Variants in UBE2D2 observed in about 807,000 individuals in gnomAD.
UBE2D2 encodes ubiquitin-conjugating enzyme E2 D2.
In UBE2D2, 2 loss-of-function variants were observed where a neutral mutation model predicts 24.2. The observed-to-expected ratio is 0.08, with a 90% CI of 0.03 to 0.26. The LOEUF is 0.26. UBE2D2 is among the 10% of genes least tolerant of loss of function. The pLI is 1.00. For missense variants in UBE2D2, 44 were observed against 177.6 expected, an observed-to-expected ratio of 0.25 and a Z score of 4.28; for synonymous variants, 58 against 56.5, an observed-to-expected ratio of 1.03 and a Z score of -0.12.
chr5:139,616,422 A>G (rs1010305560), intron 5 of UBE2D2, among the ~76,000 whole-genome samples: 2 of 152,218 alleles, frequency 1.3e-5, no homozygotes, highest in Non-Finnish European at 2.9e-5. Flanking sequence ...AAATGAAATC[A>G]GTTGTTTAAG....
intron 1 of UBE2D2, among the ~76,000 whole-genome samples, chr5:139,552,934 G>C (rs1214490394): frequency 6.6e-6 from 1 of 151,988 alleles, no homozygotes; most frequent in East Asian, 1.9e-4. Flanking sequence ...CACCTGCCTT[G>C]GCCTCCCAAA....
upstream of UBE2D2, among the ~76,000 whole-genome samples, chr5:139,560,353 A>G (rs1391673650): frequency 1.3e-5 from 2 of 151,806 alleles, no homozygotes; most frequent in Admixed American, 6.6e-5. Flanking sequence ...GCCTGCCACC[A>G]TGCCCGGGTA....
intron 5 of UBE2D2, among the ~76,000 whole-genome samples, chr5:139,620,184 A>T (rs565246454): frequency 3.3e-5 from 5 of 152,218 alleles, no homozygotes; most frequent in African/African-American, 1.2e-4. Flanking sequence ...ACAGTTGAAC[A>T]TGAGATTTGT....
At chr5:139,557,644 A>G (rs988697513), upstream of UBE2D2, among the ~76,000 whole-genome samples, 1 of 151,868 alleles carries the variant, frequency 6.6e-6, no homozygotes, top group South Asian at 2.1e-4. Flanking sequence ...GCTACTTGGG[A>G]GGCTAAGGCA....
chr5:139,618,225 C>T (rs542264883), intron 5 of UBE2D2, among the ~76,000 whole-genome samples: 2 of 152,228 alleles, frequency 1.3e-5, no homozygotes, highest in South Asian at 4.1e-4. Flanking sequence ...CCGCCCGCCT[C>T]AGCCTCCCAA....
intron 1 of UBE2D2, among the ~76,000 whole-genome samples, chr5:139,532,688 T>C (rs570993504): frequency 2.0e-5 from 3 of 151,120 alleles, no homozygotes; most frequent in East Asian, 4.0e-4. Context: ...GGTTTCACCA[T>C]GTTGGCCACA....
chr5:139,600,347 TTTC>T (rs1561516289), intron 1 of UBE2D2, 22 bp from the exon 2 acceptor site: 1 of 1,611,288 alleles, frequency 6.2e-7, no homozygotes, highest in Admixed American at 1.7e-5. Context: ...GTTGAATATA[TTTC>T]TTTTCTTTCT....
Position 139,598,919 on chromosome 5 carries a change from C to CTT in UBE2D2, c.25-1428_25-1427dup, listed in dbSNP as rs36027909. On this transcript the variant is annotated intron_variant, in intron 1 of 6. Transcript: ENST00000398733. ...TCAGTCAGCCTTTTAAAATATATTC[C>CTT]TTTTTTTTTTTTTTTTTTTTTTTTT... 4.0e-3 allele frequency among the ~76,000 whole-genome samples: 308 copies of CTT among 76,240 alleles called. 32 individuals carry two copies. The highest frequency in any genetic ancestry group is 8.8e-3 in the African/African-American group (123 of 13,972). 50.0% of individuals were successfully genotyped at this position (76,240 alleles called of 152,430 possible).
At chr5:139,626,414 G>GTAGAATCATATAATAA (rs1754630286) in intron 6 of UBE2D2, among the ~76,000 whole-genome samples, 1 of 152,218 alleles carries the variant, frequency 6.6e-6, no homozygotes, top group African/African-American at 2.4e-5. Context: ...CAAGAACTAT[G>GTAGAATCATATAATAA]TAATGTAGAA....
intron 1 of UBE2D2, among the ~76,000 whole-genome samples, chr5:139,578,625 A>C (rs1468874064): frequency 6.6e-6 from 1 of 151,920 alleles, no homozygotes; most frequent in Non-Finnish European, 1.5e-5. Flanking sequence ...GCTTTTTAAA[A>C]AAATTTTTGT....
intron 2 of UBE2D2, among the ~76,000 whole-genome samples, chr5:139,611,343 C>G (rs1055403079): frequency 6.6e-6 from 1 of 151,714 alleles, no homozygotes; most frequent in Non-Finnish European, 1.5e-5. Context: ...CCCGCCATCA[C>G]GCCCAGCTAA....
At chr5:139,526,799 C>T (rs1351757740) in intron 1 of UBE2D2, among the ~76,000 whole-genome samples, 1 of 152,178 alleles carries the variant, frequency 6.6e-6, no homozygotes, top group Non-Finnish European at 1.5e-5. Context: ...GGTGTGCCTG[C>T]ATTGGCACTT....
intron 2 of UBE2D2, among the ~76,000 whole-genome samples, chr5:139,609,764 T>C (rs891220396): frequency 6.6e-6 from 1 of 150,652 alleles, no homozygotes; most frequent in African/African-American, 2.4e-5. Context: ...TCTTTCTTTC[T>C]TTTTTTGTTT....
chr5:139,534,087 A>G (rs1369259274), intron 1 of UBE2D2, among the ~76,000 whole-genome samples: 1 of 151,052 alleles, frequency 6.6e-6, no homozygotes, highest in Non-Finnish European at 1.5e-5. Context: ...GGCAAAAAAA[A>G]CATTTTTTTT....
At position 139,561,747 on chromosome 5, in the gene UBE2D2, C is replaced by T; in HGVS notation, c.-45C>T. On this transcript the variant is annotated 5_prime_UTR_variant, in exon 1 of 7. Coordinates refer to ENST00000398733, the MANE Select transcript of UBE2D2 (RefSeq NM_003339.3). ...CCTAGCCCCTTCCCCGTCCCTTCCC[C>T]GCCCCCGTCCCCGCCCCGGGGGCCG... is the stretch of plus-strand genomic sequence containing the variant. 1.4e-6 allele frequency: 2 copies of T among 1,418,104 alleles called. No homozygotes were observed. The highest frequency in any genetic ancestry group is 1.9e-6 in the Non-Finnish European group (2 of 1,065,892). 87.8% of individuals were successfully genotyped at this position (1,418,104 alleles called of 1,614,324 possible). A position where few individuals can be genotyped will look rare whatever the true frequency, so the allele number is the denominator to read the frequency against.
rs1283552340 is a variant in UBE2D2 at position 139,626,628 on chromosome 5, AG to A, written c.399-127del. ...TTAATCCTTATCAGAAATTTGGGAT[AG>A]AAAGGGGCCTTTCCTTGAATGTCCT... On this transcript the variant is annotated intron_variant, in intron 6 of 6. Coordinates refer to ENST00000398733, the MANE Select transcript of UBE2D2 (RefSeq NM_003339.3). The A allele has an allele frequency of 4.1e-6, 3 of 726,598 alleles. No individual in the cohort carries two copies. The African/African-American group carries it at 5.4e-5, about 13-fold the overall frequency. The allele number at this position is 726,598 out of a possible 1,614,324, so 45.0% of individuals were successfully genotyped here.
At chr5:139,555,701 C>T (rs1179105436) in intron 1 of UBE2D2, among the ~76,000 whole-genome samples, 2 of 151,256 alleles carry the variant, frequency 1.3e-5, no homozygotes, top group Non-Finnish European at 3.0e-5. Flanking sequence ...CCGAGGTGGG[C>T]AGGGATCACG....
intron 1 of UBE2D2, among the ~76,000 whole-genome samples, chr5:139,571,627 G>C (rs78289382): frequency 0.014 from 2,122 of 152,228 alleles, 27 homozygotes; most frequent in Middle Eastern, 0.054. Flanking sequence ...GAGCTATTGT[G>C]TCTCCAGATT....
At chr5:139,596,145 GC>G (rs1381036548) in intron 1 of UBE2D2, among the ~76,000 whole-genome samples, 1 of 151,910 alleles carries the variant, frequency 6.6e-6, no homozygotes, top group Admixed American at 6.6e-5. Context: ...GCCCACCTCA[GC>G]CTCCCAAAGT....
Sources: allele counts gnomAD v4.1 joint callset (sites outside exome capture counted in the v4.1 genomes callset), GRCh38; gene constraint gnomAD v4.1.1; transcripts MANE v1.5; gene names NCBI Gene and HGNC (gene_info 2026-07-23, HGNC 2026-07-21).